Variants in RABGAP1L observed in about 807,000 individuals in gnomAD.
RABGAP1L encodes rab GTPase-activating protein 1-like.
RABGAP1L carries 63 observed loss-of-function variants against 137.7 expected under a neutral mutation model. The observed-to-expected ratio is 0.46, with a 90% CI of 0.37 to 0.56. RABGAP1L has a LOEUF of 0.56. RABGAP1L is among the 20% of genes least tolerant of loss of function. The pLI is 0.00. For missense variants in RABGAP1L, 1,095 were observed against 1,244.0 expected (o/e 0.88, Z 1.80); for synonymous variants, 431 against 433.7 (o/e 0.99, Z 0.08).
chr1:174,761,588 C>A lies in RABGAP1L; in HGVS notation c.2211+9234C>A, dbSNP rs137868157. On this transcript the variant is annotated intron_variant, in intron 18 of 25. Coordinates refer to ENST00000681986, the MANE Select transcript of RABGAP1L (RefSeq NM_001366446.1). This position sits in a 1 kb window ranked among gnomAD's most constrained non-coding sequence, Gnocchi z 4.0. ...GCAGAGGCGCTCCTCATTTTTCAGA[C>A]GGTGCGGCCGCCAGGCAGAGGCACT... Among the ~76,000 whole-genome samples the A allele has an allele frequency of 6.6e-6, 1 of 151,842 alleles. No homozygotes were observed. Among genetic ancestry groups the A allele is most frequent in the East Asian group, 1.9e-4 (1 of 5,168 alleles).
At chr1:174,857,045 A>G (rs912186638) in intron 19 of RABGAP1L, among the ~76,000 whole-genome samples, 3 of 152,152 alleles carry the variant, frequency 2.0e-5, no homozygotes, top group African/African-American at 4.8e-5. Context: ...CACCCAACCA[A>G]ACAACAACAT....
chr1:174,484,743 T>C (rs2149338800), intron 13 of RABGAP1L, among the ~76,000 whole-genome samples: 1 of 152,294 alleles, frequency 6.6e-6, no homozygotes, highest in Admixed American at 6.5e-5. Context: ...TTCTGTGCCG[T>C]TTTGGTTATG....
chr1:174,622,621 G>A lies in RABGAP1L; in HGVS notation c.1711-14754G>A, dbSNP rs546701989. Among the ~76,000 whole-genome samples, 39 of 152,192 alleles carry A rather than the reference G, an allele frequency of 2.6e-4. 1 individual carries two copies. The highest frequency in any genetic ancestry group is 1.2e-3 in the Admixed American group (18 of 15,290). On this transcript the variant is annotated intron_variant, in intron 13 of 25. Transcript: ENST00000681986. ...TCACAAGGACAGAAAACCAAACACCGCATGTTCTCACTCATAGGTGGGAAT... is the reference window on the plus strand; with the variant it reads ...TCACAAGGACAGAAAACCAAACACCACATGTTCTCACTCATAGGTGGGAAT...
Position 174,305,102 on chromosome 1 carries a change from AC to A in RABGAP1L, c.1444del (p.Gln482ArgfsTer36). The A allele has an allele frequency of 6.5e-7, 1 of 1,540,986 alleles. No homozygotes were observed. The highest frequency in any genetic ancestry group is 8.7e-7 in the Non-Finnish European group (1 of 1,153,514). Reference sequence around the variant, plus strand: ...CTACTAGTGGAGGGGGTCCAATGTCACCCCAGGATGATGAAGCAGAAGAGGG... The same window carrying A: ...CTACTAGTGGAGGGGGTCCAATGTCACCCAGGATGATGAAGCAGAAGAGGG... ...TPTSGGGPMSPQDDEAEEESD... is the reference protein window; with the variant it reads ...TPTSGGGPMSXQDDEAEEESD... On this transcript the variant is annotated frameshift_variant, in exon 11 of 26. Coordinates refer to ENST00000681986, the MANE Select transcript of RABGAP1L (RefSeq NM_001366446.1). LOFTEE classifies it high-confidence loss of function.
intron 13 of RABGAP1L, among the ~76,000 whole-genome samples, chr1:174,471,050 ACT>A (rs1657873818): frequency 2.0e-5 from 3 of 152,002 alleles, no homozygotes; most frequent in African/African-American, 7.3e-5. Context: ...AAAAAAACAC[ACT>A]TTGATTTACT....
At chr1:174,712,869 C>T (rs1680677988) in intron 17 of RABGAP1L, among the ~76,000 whole-genome samples, 1 of 152,184 alleles carries the variant, frequency 6.6e-6, no homozygotes, top group Non-Finnish European at 1.5e-5. Context: ...TGCTGGTGTG[C>T]TCTTCTGCTG....
chr1:174,758,252 T>C (rs1351646940), intron 18 of RABGAP1L, among the ~76,000 whole-genome samples: 4 of 151,940 alleles, frequency 2.6e-5, no homozygotes, highest in South Asian at 2.1e-4. Context: ...TTCTTTTATC[T>C]CCCCCTCTGC....
chr1:174,888,116 A>C (rs1399837497), intron 19 of RABGAP1L, among the ~76,000 whole-genome samples: 1 of 152,204 alleles, frequency 6.6e-6, no homozygotes, highest in Non-Finnish European at 1.5e-5. Context: ...TTTATTAAAC[A>C]CATTAAATAG....
chr1:174,449,283 A>G, intron 13 of RABGAP1L: 2 of 1,163,080 alleles, frequency 1.7e-6, no homozygotes, highest in Non-Finnish European at 2.4e-6. Context: ...CATCAGAGAA[A>G]TATTTACTTG....
At chr1:174,975,915 T>A (rs909042491) in intron 21 of RABGAP1L, 163 bp from the exon 22 acceptor site, 7 of 600,890 alleles carry the variant, frequency 1.2e-5, no homozygotes, top group East Asian at 2.9e-5. Context: ...ATAGTTGGCA[T>A]TCAGTGAAAG....
chr1:174,584,235 C>G (rs1330085441), intron 13 of RABGAP1L, among the ~76,000 whole-genome samples: 1 of 152,144 alleles, frequency 6.6e-6, no homozygotes, highest in Non-Finnish European at 1.5e-5. Context: ...AAATTGCTCT[C>G]ATATTTTTTG....
In RABGAP1L at chr1:174,215,476, T is replaced by TAA. The variant is rs1304435931; in HGVS notation, c.-33-3648_-33-3647dup. Among the ~76,000 whole-genome samples the TAA allele has an allele frequency of 1.8e-3, 170 of 92,010 alleles. 2 individuals carry two copies. The highest frequency in any genetic ancestry group is 4.2e-3 in the Admixed American group (36 of 8,484). The allele number at this position is 92,010 out of a possible 152,430, so 60.4% of individuals were successfully genotyped here. A position where few individuals can be genotyped will look rare whatever the true frequency, so the allele number is the denominator to read the frequency against. On this transcript the variant is annotated intron_variant, in intron 1 of 25. Transcript: ENST00000681986. The stretch of plus-strand genomic sequence containing the variant: ...CCATCTCAAAAAAAAAAAATAATAA[T>TAA]AATAAAATAAAATCTAATTTAAAAA...
intron 19 of RABGAP1L, among the ~76,000 whole-genome samples, chr1:174,878,874 A>G (rs955349527): frequency 2.7e-5 from 4 of 150,088 alleles, no homozygotes. Flanking sequence ...TTGACCACTC[A>G]TTAGGTATTT....
intron 7 of RABGAP1L, among the ~76,000 whole-genome samples, chr1:174,255,997 G>A (rs1376040633): frequency 1.3e-5 from 2 of 152,134 alleles, no homozygotes; most frequent in East Asian, 1.9e-4. Flanking sequence ...ATCAACATAC[G>A]TGAATTTAGC....
At chr1:174,452,285 TA>T (rs1283356545) in intron 13 of RABGAP1L, among the ~76,000 whole-genome samples, 1 of 152,170 alleles carries the variant, frequency 6.6e-6, no homozygotes, top group Non-Finnish European at 1.5e-5. Context: ...TTTCTAGAGT[TA>T]TAGAGTGTTG....
At chr1:174,818,871 G>A (rs1050652213) in intron 19 of RABGAP1L, among the ~76,000 whole-genome samples, 8 of 151,848 alleles carry the variant, frequency 5.3e-5, no homozygotes, top group African/African-American at 1.7e-4. Context: ...AAAAAAATTA[G>A]CCAGGCATGG....
intron 19 of RABGAP1L, among the ~76,000 whole-genome samples, chr1:174,890,401 C>T (rs1354540851): frequency 6.6e-6 from 1 of 152,132 alleles, no homozygotes; most frequent in Admixed American, 6.5e-5. Context: ...TCTCTCCCTA[C>T]CATAGTACCT....
intron 17 of RABGAP1L, among the ~76,000 whole-genome samples, chr1:174,748,553 T>G (rs1308080417): frequency 2.0e-5 from 3 of 152,132 alleles, no homozygotes; most frequent in Non-Finnish European, 4.4e-5. Flanking sequence ...CAGATTGGTT[T>G]TATATGTTTT....
intron 10 of RABGAP1L, among the ~76,000 whole-genome samples, chr1:174,295,782 G>T (rs149111180): frequency 9.9e-5 from 15 of 151,638 alleles, no homozygotes; most frequent in African/African-American, 3.4e-4. Context: ...GCCTCTCAAA[G>T]TCCTGGGACT....
Sources: gnomAD v4.1 joint callset for allele counts (sites outside exome capture counted in the v4.1 genomes callset) on GRCh38, gnomAD v4.1.1 for gene constraint, Gnocchi (gnomAD v3.1) non-coding constraint, MANE v1.5 for transcripts, NCBI Gene and HGNC (gene_info 2026-07-23, HGNC 2026-07-21) for gene names.